PPP1R12B: variants seen among roughly 807,000 people sequenced by gnomAD.
PPP1R12B encodes the protein myosin phosphatase target subunit 2.
PPP1R12B carries 76 observed loss-of-function variants against 126.1 expected under a neutral mutation model. The observed-to-expected ratio is 0.60, with a 90% CI of 0.50 to 0.73. The LOEUF (loss-of-function observed/expected upper bound fraction) is 0.73, where lower values mean the gene tolerates loss of function less well. Among genes scored for constraint, PPP1R12B ranks in the 30% least tolerant of loss-of-function variants. PPP1R12B has a pLI of 0.00. For synonymous variants in PPP1R12B, 356 were observed against 434.7 expected, an observed-to-expected ratio of 0.82 and a Z score of 2.25; for missense variants, 1,052 against 1,205.1, an observed-to-expected ratio of 0.87 and a Z score of 1.88.
At chr1:202,361,541 C>T (rs1658219798) in intron 1 of PPP1R12B, among the ~76,000 whole-genome samples, 1 of 152,222 alleles carries the variant, frequency 6.6e-6, no homozygotes, top group Non-Finnish European at 1.5e-5. Context: ...TTGTAATCCA[C>T]ACATTTCCCA....
chr1:202,542,302 G>T (rs1469627862), intron 18 of PPP1R12B, among the ~76,000 whole-genome samples: 3 of 152,148 alleles, frequency 2.0e-5, no homozygotes, highest in African/African-American at 7.2e-5. Context: ...GTAACTGGCT[G>T]GTCCTCAGCC....
chr1:202,502,595 C>T, intron 18 of PPP1R12B: 1 of 498,900 alleles, frequency 2.0e-6, no homozygotes, highest in Non-Finnish European at 2.6e-6. Context: ...ACGGAATTTA[C>T]ATTCTAGTGG....
At chr1:202,501,852 T>C in intron 18 of PPP1R12B, 2 of 985,150 alleles carry the variant, frequency 2.0e-6, no homozygotes, top group Non-Finnish European at 2.4e-6. Context: ...TTGGTTTTTT[T>C]ACTCAGCAGG....
chr1:202,504,268 C>T (rs185514953), intron 18 of PPP1R12B, among the ~76,000 whole-genome samples: 1 of 152,190 alleles, frequency 6.6e-6, no homozygotes, highest in East Asian at 1.9e-4. Flanking sequence ...TGACGCCCAC[C>T]TGTAATCCCA....
chr1:202,522,391 A>T (rs1305242082), intron 18 of PPP1R12B, among the ~76,000 whole-genome samples: 2 of 152,000 alleles, frequency 1.3e-5, no homozygotes, highest in Non-Finnish European at 2.9e-5. Flanking sequence ...ATAGACTTTT[A>T]AAAAATATAT....
intron 18 of PPP1R12B, among the ~76,000 whole-genome samples, chr1:202,514,039 A>G (rs903426657): frequency 6.6e-6 from 1 of 152,070 alleles, no homozygotes; most frequent in Non-Finnish European, 1.5e-5. Flanking sequence ...TTTTTCTGCA[A>G]CCTTGCCAGC....
chr1:202,390,681 A>G (rs1241774403), intron 1 of PPP1R12B, among the ~76,000 whole-genome samples: 1 of 134,520 alleles, frequency 7.4e-6, no homozygotes, highest in Non-Finnish European at 1.6e-5. Context: ...TTTTTTTTTC[A>G]TATGGGTTTT....
At chr1:202,387,240 C>T (rs1195471986) in intron 1 of PPP1R12B, among the ~76,000 whole-genome samples, 4 of 152,172 alleles carry the variant, frequency 2.6e-5, no homozygotes, top group Non-Finnish European at 2.9e-5. Flanking sequence ...CTGTCAACAA[C>T]GTCAGTGTGG....
intron 1 of PPP1R12B, among the ~76,000 whole-genome samples, chr1:202,390,612 C>T (rs1272264162): frequency 6.6e-6 from 1 of 151,940 alleles, no homozygotes; most frequent in Non-Finnish European, 1.5e-5. Context: ...GATCTTCCAA[C>T]CTTAACCTCC....
chr1:202,441,226 A>C (rs537676663), intron 11 of PPP1R12B, among the ~76,000 whole-genome samples: 65 of 152,360 alleles, frequency 4.3e-4, no homozygotes, highest in African/African-American at 1.5e-3. Context: ...TAGTTAAAAT[A>C]AATATAGGGA....
At chr1:202,550,772 G>C (rs3767404) in intron 18 of PPP1R12B, among the ~76,000 whole-genome samples, 62,379 of 152,102 alleles carry the variant, frequency 0.41, 14,770 homozygotes, top group East Asian at 0.7. Flanking sequence ...CATGTGAAAG[G>C]CTCGATGGAA....
At chr1:202,558,845 T>G (rs771440391) in intron 18 of PPP1R12B, 32 bp from the exon 19 acceptor site, 15 of 1,413,328 alleles carry the variant, frequency 1.1e-5, no homozygotes, top group Non-Finnish European at 1.2e-5. Context: ...CTTTTTTCTT[T>G]TTTTGTTTTT....
At chr1:202,428,996 C>A in intron 6 of PPP1R12B, 67 bp downstream of exon 6, 3 of 1,351,362 alleles carry the variant, frequency 2.2e-6, no homozygotes, top group Admixed American at 2.3e-5. Flanking sequence ...GTATCTCAAT[C>A]ACTTGTTTCA....
chr1:202,515,495 G>A (rs1397553756), intron 18 of PPP1R12B, among the ~76,000 whole-genome samples: 1 of 152,168 alleles, frequency 6.6e-6, no homozygotes, highest in Non-Finnish European at 1.5e-5. Flanking sequence ...GATCCCTGCT[G>A]CCTTCTTTGC....
intron 13 of PPP1R12B, among the ~76,000 whole-genome samples, chr1:202,468,453 T>A (rs1675353099): frequency 6.6e-6 from 1 of 152,238 alleles, no homozygotes; most frequent in African/African-American, 2.4e-5. Context: ...GGCTAGCCAG[T>A]TGTTTTCTAG....
chr1:202,433,801 C>T (rs536715135), intron 8 of PPP1R12B, among the ~76,000 whole-genome samples: 92 of 152,314 alleles, frequency 6.0e-4, no homozygotes, highest in African/African-American at 2.0e-3. Context: ...TACCCCACGA[C>T]TGTTCTCTGT....
rs1009602641 is a variant in PPP1R12B, at chr1:202,468,068, G to T, written c.1850+18897G>T. ...TATCCTTTGCCCACTTTTTGATGGG[G>T]TTGTTTGTTTTTTTCTTGTAAATTT... On this transcript the variant is annotated intron_variant, in intron 13 of 23. Transcript: ENST00000608999. Among the ~76,000 whole-genome samples, 10 of 152,174 alleles carry T rather than the reference G, an allele frequency of 6.6e-5. No individual in the cohort carries two copies. The South Asian group carries it at 1.2e-3, about 19-fold the overall frequency.
At chr1:202,449,652 T>G (rs1019123016) in intron 13 of PPP1R12B, among the ~76,000 whole-genome samples, 3 of 151,980 alleles carry the variant, frequency 2.0e-5, no homozygotes, top group African/African-American at 7.3e-5. Flanking sequence ...TTATTTATGA[T>G]TATTTAGCAT....
intron 18 of PPP1R12B, among the ~76,000 whole-genome samples, chr1:202,550,325 C>T (rs1225681460): frequency 2.0e-5 from 3 of 152,134 alleles, no homozygotes; most frequent in Non-Finnish European, 4.4e-5. Flanking sequence ...TGAAAAAACC[C>T]GTCTCTTCCC....
Sources: gnomAD v4.1 joint callset for allele counts (sites outside exome capture counted in the v4.1 genomes callset) on GRCh38, gnomAD v4.1.1 for gene constraint, MANE v1.5 for transcripts, NCBI Gene and HGNC (gene_info 2026-07-23, HGNC 2026-07-21) for gene names.